Variants in B3GALT1 observed in about 807,000 individuals in gnomAD.
B3GALT1 encodes the protein UDP-Gal:betaGlcNAc beta 1,3-galactosyltransferase, polypeptide 1.
A neutral mutation model predicts 23.2 loss-of-function variants in B3GALT1; 10 were observed. That is an observed-to-expected ratio of 0.43 (90% CI 0.27 to 0.73). The LOEUF (loss-of-function observed/expected upper bound fraction) is 0.73, where lower values mean the gene tolerates loss of function less well. Ranked by LOEUF, B3GALT1 falls within the 30% of genes least tolerant of loss-of-function variation. B3GALT1 has a pLI of 0.21. For missense variants in B3GALT1, 299 were observed against 405.4 expected (o/e 0.74, Z 2.25); for synonymous variants, 156 against 141.5 (o/e 1.10, Z -0.73).
At chr2:167,764,504 A>AG (rs1290277453) in intron 3 of B3GALT1, among the ~76,000 whole-genome samples, 21 of 152,218 alleles carry the variant, frequency 1.4e-4, no homozygotes, top group Non-Finnish European at 2.8e-4. Flanking sequence ...TGTTTAATAA[A>AG]GGTCTAAATT....
Position 167,312,441 on chromosome 2 carries a change from A to G in B3GALT1, c.-511+19107A>G, listed in dbSNP as rs144003021. 3.3e-3 allele frequency among the ~76,000 whole-genome samples: 505 copies of G among 152,128 alleles called. 6 individuals carry two copies. Among genetic ancestry groups the G allele is most frequent in the African/African-American group, 0.012 (486 of 41,548 alleles). On this transcript the variant is annotated intron_variant, in intron 1 of 4. Transcript: ENST00000392690. ...ATGCATGCTGCAATTTTTAGAGTAA[A>G]TCTAAGGGAGCACAAAAGTGTATAA... is the stretch of plus-strand genomic sequence containing the variant.
At chr2:167,610,685 T>C (rs1241817612) in intron 2 of B3GALT1, among the ~76,000 whole-genome samples, 1 of 151,994 alleles carries the variant, frequency 6.6e-6, no homozygotes, top group Non-Finnish European at 1.5e-5. Context: ...AGTTTAATCC[T>C]GGACCAACCC....
intron 4 of B3GALT1, among the ~76,000 whole-genome samples, chr2:167,854,625 T>G (rs1368567108): frequency 1.3e-5 from 2 of 152,210 alleles, no homozygotes; most frequent in Non-Finnish European, 2.9e-5. Context: ...ATCTATGTCT[T>G]GCCCAGAGGT....
Position 167,869,553 on chromosome 2 carries a change from T to A in B3GALT1, c.514T>A (p.Tyr172Asn). The A allele has an allele frequency of 6.2e-7, 1 of 1,614,114 alleles. No homozygotes were observed. The change falls in exon 5 of 5, where the codon TAT becomes AAT. Residue 172 changes from tyrosine (Y) to asparagine (N), a missense_variant. By Grantham distance (143) the Tyr-to-Asn change is moderately radical. This residue lies in a region of B3GALT1 where 133 missense variants were observed against 204.8 expected (regional missense o/e 0.65). Transcript: ENST00000392690. The surrounding 1 kb of genome is among the most constrained non-coding windows in gnomAD (Gnocchi z 6.4). Reference protein sequence around the residue: ...WVATFCSKAKYVMKTDSDIFV... With the variant: ...WVATFCSKAKNVMKTDSDIFV... ...GGCCACTTTTTGTTCAAAAGCCAAGTATGTCATGAAAACAGACAGCGACAT... is the reference window on the plus strand; with the variant it reads ...GGCCACTTTTTGTTCAAAAGCCAAGAATGTCATGAAAACAGACAGCGACAT...
At chr2:167,442,270 G>A (rs1365167296) in intron 1 of B3GALT1, among the ~76,000 whole-genome samples, 1 of 152,200 alleles carries the variant, frequency 6.6e-6, no homozygotes, top group Admixed American at 6.5e-5. Context: ...TCTTAATCCA[G>A]TCTATCATTG....
intron 2 of B3GALT1, among the ~76,000 whole-genome samples, chr2:167,514,587 G>T (rs1700074800): frequency 6.6e-6 from 1 of 152,134 alleles, no homozygotes; most frequent in Non-Finnish European, 1.5e-5. Flanking sequence ...AGTTTATTTG[G>T]AGCTGAGACC....
chr2:167,321,340 A>G (rs1696807417), intron 1 of B3GALT1, among the ~76,000 whole-genome samples: 2 of 152,236 alleles, frequency 1.3e-5, no homozygotes, highest in South Asian at 4.1e-4. Context: ...CATATATAAA[A>G]TTATTGGTTT....
At chr2:167,336,194 TCTACATATCAACCTGAATCCTA>T (rs1213677754) in intron 1 of B3GALT1, among the ~76,000 whole-genome samples, 1 of 152,124 alleles carries the variant, frequency 6.6e-6, no homozygotes, top group Non-Finnish European at 1.5e-5. Context: ...GAAGTAGTTT[TCTACATATCAACCTGAATCCTA>T]CTGTTTTATG....
intron 1 of B3GALT1, among the ~76,000 whole-genome samples, chr2:167,329,997 T>G (rs1696948559): frequency 6.6e-6 from 1 of 152,146 alleles, no homozygotes; most frequent in African/African-American, 2.4e-5. Flanking sequence ...CATGGAGAAG[T>G]CCTTTTTTTG....
intron 1 of B3GALT1, among the ~76,000 whole-genome samples, chr2:167,425,803 T>A (rs985494914): frequency 6.6e-6 from 1 of 152,224 alleles, no homozygotes; most frequent in Non-Finnish European, 1.5e-5. Flanking sequence ...TTTGTAATTA[T>A]GAGCACAGGA....
At chr2:167,758,164 C>T (rs1204045345) in intron 3 of B3GALT1, among the ~76,000 whole-genome samples, 1 of 152,022 alleles carries the variant, frequency 6.6e-6, no homozygotes, top group East Asian at 1.9e-4. Context: ...TCAGCTCTGT[C>T]GAATAGGACT....
intron 1 of B3GALT1, among the ~76,000 whole-genome samples, chr2:167,360,911 A>G (rs2617392): frequency 0.44 from 66,891 of 151,872 alleles, 18,508 homozygotes; most frequent in Non-Finnish European, 0.62. Flanking sequence ...CTCTAACTCC[A>G]TGAGCTCCAC....
At chr2:167,303,628 C>T (rs1696492981) in intron 1 of B3GALT1, among the ~76,000 whole-genome samples, 1 of 137,970 alleles carries the variant, frequency 7.2e-6, no homozygotes, top group Non-Finnish European at 1.6e-5. Flanking sequence ...TTCTCCTGCT[C>T]TTGGAAACAC....
intron 2 of B3GALT1, among the ~76,000 whole-genome samples, chr2:167,535,969 G>A (rs1442746675): frequency 3.3e-5 from 5 of 152,122 alleles, no homozygotes; most frequent in African/African-American, 7.2e-5. Flanking sequence ...TGTCACGCAG[G>A]CTGGAGTGCA....
intron 1 of B3GALT1, among the ~76,000 whole-genome samples, chr2:167,437,831 T>C (rs192772007): frequency 6.6e-6 from 1 of 152,302 alleles, no homozygotes; most frequent in African/African-American, 2.4e-5. Context: ...TTGACTGTCA[T>C]GGAAAACAGT....
chr2:167,581,884 T>G (rs968299893), intron 2 of B3GALT1, among the ~76,000 whole-genome samples: 1 of 152,134 alleles, frequency 6.6e-6, no homozygotes, highest in East Asian at 1.9e-4. Flanking sequence ...AGAAATAAAT[T>G]TTTAGGTCTG....
At chr2:167,757,740 C>T (rs1687840563) in intron 3 of B3GALT1, among the ~76,000 whole-genome samples, 1 of 152,018 alleles carries the variant, frequency 6.6e-6, no homozygotes, top group Non-Finnish European at 1.5e-5. Context: ...GATTTGATTT[C>T]CTATTTGCCT....
At chr2:167,521,968 ATGTGTG>A (rs148866209) in intron 2 of B3GALT1, among the ~76,000 whole-genome samples, 78 of 138,856 alleles carry the variant, frequency 5.6e-4, no homozygotes, top group Non-Finnish European at 9.6e-4. Context: ...ACCAACATAT[ATGTGTG>A]TGTGTGTGTG....
At chr2:167,590,874 A>ACTT (rs1684669095) in intron 2 of B3GALT1, among the ~76,000 whole-genome samples, 1 of 152,212 alleles carries the variant, frequency 6.6e-6, no homozygotes, top group Non-Finnish European at 1.5e-5. Context: ...CAATTGAAAA[A>ACTT]GGAGAGGGTA....
Sources: allele counts gnomAD v4.1 joint callset (sites outside exome capture counted in the v4.1 genomes callset), GRCh38; gene constraint gnomAD v4.1.1; regional missense constraint gnomAD v4.1.1; non-coding constraint Gnocchi (gnomAD v3.1); transcripts MANE v1.5; gene names NCBI Gene and HGNC (gene_info 2026-07-23, HGNC 2026-07-21).